The following PCDHGB1 variants were observed in gnomAD, a reference collection of about 807,000 sequenced individuals.
PCDHGB1 encodes the protein protocadherin gamma subfamily B, 1, also known as protocadherin gamma-B1.
Under a neutral mutation model 56.6 loss-of-function variants are expected in PCDHGB1, and 34 were observed. That is an observed-to-expected ratio of 0.60 (90% confidence interval 0.46 to 0.80). PCDHGB1 has a LOEUF of 0.80. Ranked by LOEUF, PCDHGB1 falls within the 30% of genes least tolerant of loss-of-function variation. PCDHGB1 has a pLI of 0.00. For missense variants in PCDHGB1, 1,278 were observed against 1,204.6 expected, an observed-to-expected ratio of 1.06 and a Z score of -0.90; for synonymous variants, 561 against 505.9, an observed-to-expected ratio of 1.11 and a Z score of -1.46.
In PCDHGB1 at chr5:141,431,187, G is replaced by C. The variant is rs748150837; in HGVS notation, c.2410-63620G>C. On this transcript the variant is annotated intron_variant, in intron 1 of 3. Transcript: ENST00000523390. This position sits in a 1 kb window ranked among gnomAD's most constrained non-coding sequence, Gnocchi z 4.8. ...GAAAGTGAATTAGAAATAAAAATTAGTGAAAATGCAGCCACTGAGATGCGG... is the reference window on the plus strand; with the variant it reads ...GAAAGTGAATTAGAAATAAAAATTACTGAAAATGCAGCCACTGAGATGCGG... 4.3e-6 allele frequency: 7 copies of C among 1,614,102 alleles called. No homozygotes were observed. The Admixed American group carries it at 1.2e-4, about 27-fold the overall frequency.
In PCDHGB1 at chr5:141,489,523, C is replaced by CT. The variant is rs1379784656; in HGVS notation, c.2410-5283dup. On this transcript the variant is annotated intron_variant, in intron 1 of 3. Coordinates refer to ENST00000523390, the MANE Select transcript of PCDHGB1 (RefSeq NM_018922.3). The surrounding 1 kb of genome is among the most constrained non-coding windows in gnomAD (Gnocchi z 4.5). ...GAATCAAAAGATTGACCGAGAAAGC[C>CT]TATGTGGAGCCAGCACCAGCTGCCT... 1 of 1,614,006 alleles carries CT rather than the reference C, an allele frequency of 6.2e-7. No homozygotes were observed. Among genetic ancestry groups the CT allele is most frequent in the Non-Finnish European group, 8.5e-7 (1 of 1,180,044 alleles).
intron 1 of PCDHGB1, chr5:141,478,822 T>C: frequency 4.2e-6 from 6 of 1,444,070 alleles, no homozygotes; most frequent in Non-Finnish European, 5.5e-6. Flanking sequence ...AACTAACCAA[T>C]CTTGCTAAGG....
At position 141,465,659 on chromosome 5, in the gene PCDHGB1, T is replaced by C. The variant is rs184749770; in HGVS notation, c.2410-29148T>C. Among the ~76,000 whole-genome samples the C allele has an allele frequency of 3.5e-4, 53 of 152,318 alleles. 1 individual carries two copies. Among genetic ancestry groups the C allele is most frequent in the African/African-American group, 1.2e-3 (50 of 41,576 alleles). ...TGCTTTGAACATCCCAAAAAAGCGC[T>C]TGCCATGACATTTGCTCTTGACCAG... On this transcript the variant is annotated intron_variant, in intron 1 of 3. Transcript: ENST00000523390.
chr5:141,375,369 C>A lies in PCDHGB1; in HGVS notation c.2409+22700C>A. On this transcript the variant is annotated intron_variant, in intron 1 of 3. Coordinates refer to ENST00000523390, the MANE Select transcript of PCDHGB1 (RefSeq NM_018922.3). ...ACTGTGACAGCCACGGACAAAGGAA[C>A]ACCACCTCTGTCTACAGAAACAATC... 1 of 1,613,892 alleles carries A rather than the reference C, an allele frequency of 6.2e-7. No individual in the cohort carries two copies. Among genetic ancestry groups the A allele is most frequent in the South Asian group, 1.1e-5 (1 of 91,084 alleles).
intron 3 of PCDHGB1, among the ~76,000 whole-genome samples, chr5:141,505,766 C>T (rs1420683619): frequency 2.0e-5 from 3 of 151,768 alleles, no homozygotes; most frequent in African/African-American, 4.8e-5. Context: ...CAGTGTAGCT[C>T]AGGTCCTAGC....
intron 3 of PCDHGB1, 152 bp from the exon 4 acceptor site, chr5:141,510,795 G>C (rs994874330): frequency 9.3e-5 from 136 of 1,465,100 alleles, no homozygotes; most frequent in Admixed American, 1.7e-4. Flanking sequence ...CTTGTGAAGA[G>C]AGACTACCTT....
Position 141,405,415 on chromosome 5 carries a change from GT to G in PCDHGB1, c.2409+52752del, listed in dbSNP as rs757320616. The G allele has an allele frequency of 3.1e-4, 488 of 1,559,566 alleles. 1 individual carries two copies. Among genetic ancestry groups the G allele is most frequent in the Admixed American group, 8.4e-4 (46 of 54,770 alleles). On this transcript the variant is annotated intron_variant, in intron 1 of 3. Transcript: ENST00000523390. Reference sequence around the variant, plus strand: ...TTTTCTTTCTTTCTTTTCTTTTTTTGTTTTTTGTTTTGTTTTGTTTTTGAGA... The same window carrying G: ...TTTTCTTTCTTTCTTTTCTTTTTTTGTTTTTGTTTTGTTTTGTTTTTGAGA...
chr5:141,417,980 C>A lies in PCDHGB1; in HGVS notation c.2409+65311C>A, dbSNP rs905203424. On this transcript the variant is annotated intron_variant, in intron 1 of 3. Transcript: ENST00000523390. ...GATCCGCTACTCGATTCCGGAGGAG[C>A]TGGCCAAGGGCTCGGTGGTGGGGAA... is the stretch of plus-strand genomic sequence containing the variant. 4.3e-6 allele frequency: 7 copies of A among 1,613,856 alleles called. No homozygotes were observed. The Admixed American group carries it at 1.0e-4, about 23-fold the overall frequency.
At chr5:141,503,660 C>A (rs2099827842) in intron 2 of PCDHGB1, among the ~76,000 whole-genome samples, 1 of 150,420 alleles carries the variant, frequency 6.6e-6, no homozygotes, top group Non-Finnish European at 1.5e-5. Flanking sequence ...AACAGAATTA[C>A]AACTCTTCCC....
At chr5:141,395,347 C>T in intron 1 of PCDHGB1, 1 of 1,392,780 alleles carries the variant, frequency 7.2e-7, no homozygotes, top group Non-Finnish European at 9.5e-7. Flanking sequence ...TAAGGTGTAT[C>T]ACAGAGTTTT....
At chr5:141,467,939 A>G (rs2099154812) in intron 1 of PCDHGB1, among the ~76,000 whole-genome samples, 2 of 152,190 alleles carry the variant, frequency 1.3e-5, no homozygotes, top group Admixed American at 6.5e-5. Context: ...GATTACAAGC[A>G]TGAGCCACCA....
chr5:141,501,478 T>A (rs536337246), intron 2 of PCDHGB1, among the ~76,000 whole-genome samples: 5 of 151,890 alleles, frequency 3.3e-5, no homozygotes, highest in Non-Finnish European at 7.4e-5. Flanking sequence ...CCTGGAAGAG[T>A]CCCTCATATC....
At chr5:141,453,475 A>C (rs2098766452) in intron 1 of PCDHGB1, among the ~76,000 whole-genome samples, 1 of 151,996 alleles carries the variant, frequency 6.6e-6, no homozygotes, top group Non-Finnish European at 1.5e-5. Context: ...ATAAAGTCAA[A>C]ACTATTAAAA....
rs745658462 is a variant in PCDHGB1 at position 141,414,720 on chromosome 5, T to C, written c.2409+62051T>C. 6 of 1,614,132 alleles carry C rather than the reference T, an allele frequency of 3.7e-6. No homozygotes were observed. The East Asian group carries it at 1.3e-4, about 36-fold the overall frequency. ...CATACATATCCATCAACTCAGACAC[T>C]GGCGTCCTGTATGCACTCAGATCCT... On this transcript the variant is annotated intron_variant, in intron 1 of 3. Coordinates refer to ENST00000523390, the MANE Select transcript of PCDHGB1 (RefSeq NM_018922.3).
At chr5:141,375,691 C>T in intron 1 of PCDHGB1, 1 of 1,614,272 alleles carries the variant, frequency 6.2e-7, no homozygotes, top group South Asian at 1.1e-5. Context: ...CAGCCAGCGA[C>T]AGCGGGGACC....
At chr5:141,410,195 G>C (rs769655902) in intron 1 of PCDHGB1, 1 of 1,613,966 alleles carries the variant, frequency 6.2e-7, no homozygotes, top group South Asian at 1.1e-5. Flanking sequence ...TCTGGTCTTC[G>C]CAGACAACTT....
chr5:141,403,961 G>T (rs763967342), intron 1 of PCDHGB1: 14 of 1,613,774 alleles, frequency 8.7e-6, no homozygotes, highest in Middle Eastern at 1.6e-4. Context: ...GCTCATTTCG[G>T]TGGAAGATGT....
intron 1 of PCDHGB1, among the ~76,000 whole-genome samples, chr5:141,483,340 C>T (rs906468552): frequency 5.9e-5 from 9 of 152,036 alleles, no homozygotes; most frequent in Non-Finnish European, 1.2e-4. Flanking sequence ...GATCTTATCT[C>T]TTTGCAATAG....
intron 2 of PCDHGB1, among the ~76,000 whole-genome samples, chr5:141,495,521 C>G (rs1385879589): frequency 6.6e-6 from 1 of 152,144 alleles, no homozygotes; most frequent in Non-Finnish European, 1.5e-5. Flanking sequence ...TTTCTCTTAC[C>G]TCTCAGTCCT....
Sources: gnomAD v4.1 joint callset for allele counts (sites outside exome capture counted in the v4.1 genomes callset) on GRCh38, gnomAD v4.1.1 for gene constraint, Gnocchi (gnomAD v3.1) non-coding constraint, MANE v1.5 for transcripts, NCBI Gene and HGNC (gene_info 2026-07-23, HGNC 2026-07-21) for gene names.